The following RBBP8 variants were observed in gnomAD, a reference collection of about 807,000 sequenced individuals.
RBBP8 encodes the protein DNA endonuclease RBBP8.
A neutral mutation model predicts 108.3 loss-of-function variants in RBBP8; 88 were observed. The ratio of observed to expected loss-of-function variants is 0.81; its 90% confidence interval spans 0.68 to 0.97. The LOEUF (loss-of-function observed/expected upper bound fraction) is 0.97, where lower values mean the gene tolerates loss of function less well. Ranked by LOEUF, RBBP8 falls within the 50% of genes least tolerant of loss-of-function variation. The probability of loss-of-function intolerance (pLI) is 0.00; values close to 1 mark genes in which losing one functional copy is unlikely to be tolerated. For synonymous variants in RBBP8, 332 were observed against 348.2 expected, an observed-to-expected ratio of 0.95 and a Z score of 0.52; for missense variants, 1,023 against 1,049.0, an observed-to-expected ratio of 0.98 and a Z score of 0.34.
chr18:23,022,023 T>C, intron 17 of RBBP8, 106 bp from the exon 18 acceptor site: 6 of 901,334 alleles, frequency 6.7e-6, no homozygotes, highest in Non-Finnish European at 1.1e-5. Flanking sequence ...CTTAGACTGC[T>C]GAATATCTTA....
rs115463575 is a variant in RBBP8 at position 22,999,278 on chromosome 18, G to T, written c.2143+1544G>T. ...CCTGTGGCTCAGGAATTCAGGAAAG[G>T]CTTGGCTGGTCAGTTCTGTTTCAGG... On this transcript the variant is annotated intron_variant, in intron 14 of 18. Coordinates refer to ENST00000327155, the MANE Select transcript of RBBP8 (RefSeq NM_002894.3). Among the ~76,000 whole-genome samples, 950 of 152,220 alleles carry T rather than the reference G, an allele frequency of 6.2e-3. 10 individuals are homozygous for T. Among genetic ancestry groups the T allele is most frequent in the African/African-American group, 0.022 (910 of 41,534 alleles).
chr18:22,991,339 G>C (rs529929721), intron 10 of RBBP8, among the ~76,000 whole-genome samples: 1 of 152,164 alleles, frequency 6.6e-6, no homozygotes, highest in African/African-American at 2.4e-5. Flanking sequence ...TCCCTTCGGG[G>C]TTTATATTTC....
At chr18:22,976,110 T>C (rs1423345527) in intron 6 of RBBP8, among the ~76,000 whole-genome samples, 1 of 152,178 alleles carries the variant, frequency 6.6e-6, no homozygotes, top group Non-Finnish European at 1.5e-5. Flanking sequence ...AACATTATTT[T>C]GGCTTAGAAT....
intron 4 of RBBP8, 150 bp downstream of exon 4, chr18:22,949,863 A>G: frequency 3.2e-6 from 2 of 616,818 alleles, no homozygotes; most frequent in Non-Finnish European, 5.7e-6. Context: ...GAAAACAAGG[A>G]TCTATTCTTT....
At chr18:22,937,217 C>T (rs549764096) in intron 2 of RBBP8, 4 of 514,562 alleles carry the variant, frequency 7.8e-6, no homozygotes, top group African/African-American at 2.0e-5. Context: ...CCTGACCCTC[C>T]ACCCTCATGT....
intron 4 of RBBP8, among the ~76,000 whole-genome samples, chr18:22,964,614 T>TATTTTTA (rs1364371359): frequency 2.7e-5 from 4 of 150,810 alleles, no homozygotes; most frequent in Non-Finnish European, 4.4e-5. Flanking sequence ...TCTTTCTTAA[T>TATTTTTA]ATTTTTAATT....
intron 4 of RBBP8, among the ~76,000 whole-genome samples, chr18:22,961,634 T>C (rs1177108083): frequency 6.6e-6 from 1 of 152,194 alleles, no homozygotes; most frequent in Non-Finnish European, 1.5e-5. Context: ...CACAAATTTG[T>C]AAACTTTCTT....
intron 15 of RBBP8, 61 bp downstream of exon 15, chr18:23,001,790 T>C: frequency 6.3e-7 from 1 of 1,577,646 alleles, no homozygotes; most frequent in Non-Finnish European, 8.7e-7. Context: ...AGTTAAGTTA[T>C]CAAGCTAATT....
At position 22,940,120 on chromosome 18, in the gene RBBP8, T is replaced by C. The variant is rs1910945948; in HGVS notation, c.109+3160T>C. Among the ~76,000 whole-genome samples the C allele has an allele frequency of 4.6e-5, 7 of 152,134 alleles. No homozygotes were observed. The South Asian group carries it at 1.0e-3, about 23-fold the overall frequency. ...AAATTATGTAAAATGGTATGTGCTA[T>C]GCTGAAGAGATTGTCATCTTGCCTT... On this transcript the variant is annotated intron_variant, in intron 2 of 18. Coordinates refer to ENST00000327155, the MANE Select transcript of RBBP8 (RefSeq NM_002894.3).
Position 22,997,718 on chromosome 18 carries a change from G to A in RBBP8, c.2127G>A (p.Lys709=). The change falls in exon 14 of 19, where the codon AAG becomes AAA. Residue 709 remains lysine, a synonymous_variant. Transcript: ENST00000327155. ...TAAAAATGAAGAAGCAAGAGCAGAA[G>A]GGAGAAAAAAGTTCAAGTAAGATCT... ...VLLKMKKQEQ[K]GEKSSNEERK... 1 of 1,597,138 alleles carries A rather than the reference G, an allele frequency of 6.3e-7. No individual in the cohort carries two copies. The highest frequency in any genetic ancestry group is 1.1e-5 in the South Asian group (1 of 89,120).
chr18:23,021,833 T>A (rs2046350310), intron 17 of RBBP8, among the ~76,000 whole-genome samples: 1 of 151,984 alleles, frequency 6.6e-6, no homozygotes. Flanking sequence ...TTTTTTTTTT[T>A]AATTGCAACA....
intron 16 of RBBP8, among the ~76,000 whole-genome samples, chr18:23,014,255 C>A (rs1163738304): frequency 6.6e-6 from 1 of 152,028 alleles, no homozygotes; most frequent in Non-Finnish European, 1.5e-5. Context: ...TAACACGTAT[C>A]GTTCTGCAGA....
intron 4 of RBBP8, among the ~76,000 whole-genome samples, chr18:22,957,281 ATTAC>A (rs1912639872): frequency 1.0e-5 from 1 of 99,110 alleles, no homozygotes. Flanking sequence ...CTTTGTTGTA[ATTAC>A]TTTTTCTTTT....
chr18:22,925,233 G>A (rs1909749767), intron 3 of RBBP8, among the ~76,000 whole-genome samples: 1 of 152,116 alleles, frequency 6.6e-6, no homozygotes, highest in South Asian at 2.1e-4. Flanking sequence ...GTCACCAAGA[G>A]TATGAACTGA....
At chr18:23,002,090 G>A (rs1321812097) in intron 15 of RBBP8, among the ~76,000 whole-genome samples, 1 of 152,246 alleles carries the variant, frequency 6.6e-6, no homozygotes, top group East Asian at 1.9e-4. Context: ...TAAATTAATT[G>A]TAATAGAGTA....
intron 2 of RBBP8, among the ~76,000 whole-genome samples, chr18:22,940,651 A>G (rs1911006838): frequency 6.7e-6 from 1 of 150,246 alleles, no homozygotes; most frequent in Non-Finnish European, 1.5e-5. Context: ...TTAATTTTTA[A>G]TTACTAATTT....
chr18:23,016,194 T>C (rs1359960048), intron 16 of RBBP8, among the ~76,000 whole-genome samples: 1 of 152,198 alleles, frequency 6.6e-6, no homozygotes, highest in Non-Finnish European at 1.5e-5. Flanking sequence ...TCAGGATTGC[T>C]TTGGCTATTG....
Position 23,025,036 on chromosome 18 carries a change from C to G in RBBP8, c.2597-1107C>G, listed in dbSNP as rs1178808504. The stretch of plus-strand genomic sequence containing the variant: ...GCCAAGATGGGAGGATCCATTGAGC[C>G]CAGGAGTTCGAGACCAGCCTGGGCA... On this transcript the variant is annotated intron_variant, in intron 18 of 18. Coordinates refer to ENST00000327155, the MANE Select transcript of RBBP8 (RefSeq NM_002894.3). 2.6e-5 allele frequency among the ~76,000 whole-genome samples: 4 copies of G among 152,180 alleles called. No individual in the cohort carries two copies. In the East Asian group the frequency reaches 7.7e-4, roughly 29 times the overall value.
Position 22,997,744 on chromosome 18 carries a change from G to A in RBBP8, c.2143+10G>A, listed in dbSNP as rs2045885339. 1 of 1,528,426 alleles carries A rather than the reference G, an allele frequency of 6.5e-7. No homozygotes were observed. The highest frequency in any genetic ancestry group is 1.4e-5 in the African/African-American group (1 of 72,158). 94.7% of individuals were successfully genotyped at this position (1,528,426 alleles called of 1,614,324 possible). On this transcript the variant is annotated intron_variant, in intron 14 of 18. Transcript: ENST00000327155. ...GGAGAAAAAAGTTCAAGTAAGATCT[G>A]TTTTTGTTTTGTTATTTTTTTTAAT... is the stretch of plus-strand genomic sequence containing the variant.
Sources: gnomAD v4.1 joint callset for allele counts (sites outside exome capture counted in the v4.1 genomes callset) on GRCh38, gnomAD v4.1.1 for gene constraint, MANE v1.5 for transcripts, NCBI Gene and HGNC (gene_info 2026-07-23, HGNC 2026-07-21) for gene names.